ADSS2: variants seen among roughly 807,000 people sequenced by gnomAD.
The protein encoded by ADSS2 is adenylosuccinate synthase 2, also known as adenylosuccinate synthetase isozyme 2.
ADSS2 carries 30 observed loss-of-function variants against 60.0 expected under a neutral mutation model. The ratio of observed to expected loss-of-function variants is 0.50; its 90% CI spans 0.37 to 0.68. ADSS2 has a LOEUF of 0.68. ADSS2 is among the 30% of genes least tolerant of loss of function. ADSS2 has a pLI of 0.00. For missense variants in ADSS2, 373 were observed against 554.8 expected, an observed-to-expected ratio of 0.67 and a Z score of 3.29; for synonymous variants, 187 against 193.1, an observed-to-expected ratio of 0.97 and a Z score of 0.26.
intron 8 of ADSS2, 31 bp from the exon 9 acceptor site, chr1:244,418,945 T>G: frequency 6.5e-7 from 1 of 1,532,310 alleles, no homozygotes; most frequent in Non-Finnish European, 8.9e-7. Flanking sequence ...TAAAATATAG[T>G]AGACACATGA....
chr1:244,426,889 A>G (rs1226711431), intron 4 of ADSS2, among the ~76,000 whole-genome samples: 1 of 152,076 alleles, frequency 6.6e-6, no homozygotes, highest in Non-Finnish European at 1.5e-5. Context: ...ACATATTTCT[A>G]TTGATATGAT....
At chr1:244,440,647 CT>C (rs1451620162) in intron 1 of ADSS2, among the ~76,000 whole-genome samples, 1 of 152,156 alleles carries the variant, frequency 6.6e-6, no homozygotes, top group Non-Finnish European at 1.5e-5. Flanking sequence ...AATGTGAAGC[CT>C]TTCTCATACC....
Position 244,451,852 on chromosome 1 carries a change from G to A in ADSS2, c.-35C>T, listed in dbSNP as rs1665627559. ...GACGCGAGGAGAGCCCGAAGGAGAG[G>A]CGGCCGGCGAGGAGTGAGCGAACTG... is the stretch of plus-strand genomic sequence containing the variant. On this transcript the variant is annotated 5_prime_UTR_variant, in exon 1 of 13. Coordinates refer to ENST00000366535, the MANE Select transcript of ADSS2 (RefSeq NM_001126.5). This position sits in a 1 kb window ranked among gnomAD's most constrained non-coding sequence, Gnocchi z 6.6. 6 of 1,524,736 alleles carry A rather than the reference G, an allele frequency of 3.9e-6. No individual in the cohort carries two copies. The highest frequency in any genetic ancestry group is 5.3e-6 in the Non-Finnish European group (6 of 1,138,656). The allele number at this position is 1,524,736 out of a possible 1,614,324, so 94.5% of individuals were successfully genotyped here. A position where few individuals can be genotyped will look rare whatever the true frequency, so the allele number is the denominator to read the frequency against.
intron 4 of ADSS2, among the ~76,000 whole-genome samples, chr1:244,428,357 T>C (rs1471673170): frequency 1.3e-5 from 2 of 152,172 alleles, no homozygotes; most frequent in South Asian, 2.1e-4. Flanking sequence ...ACTTATAAGT[T>C]AAAATAGAAA....
At chr1:244,417,531 G>C (rs572216878) in intron 10 of ADSS2, 97 bp downstream of exon 10, 235 of 1,422,972 alleles carry the variant, frequency 1.7e-4, no homozygotes, top group Non-Finnish European at 2.2e-4. Flanking sequence ...GGAGTCTAAA[G>C]AGTGAAATTT....
At position 244,435,194 on chromosome 1, in the gene ADSS2, A is replaced by AAAAAAAAAAAAAAAAC. The variant is rs1553308065; in HGVS notation, c.355+1630_355+1631insGTTTTTTTTTTTTTTT. Among the ~76,000 whole-genome samples, 51 of 127,902 alleles carry AAAAAAAAAAAAAAAAC rather than the reference A, an allele frequency of 4.0e-4. 2 individuals are homozygous for AAAAAAAAAAAAAAAAC. Among genetic ancestry groups the AAAAAAAAAAAAAAAAC allele is most frequent in the African/African-American group, 1.6e-3 (50 of 31,136 alleles). 83.9% of individuals were successfully genotyped at this position (127,902 alleles called of 152,430 possible). ...AAAAAAAAAAAAAAAAAAAAAAAAA[A>AAAAAAAAAAAAAAAAC]AAACAAACCTGAACATACTATAACA... is the stretch of plus-strand genomic sequence containing the variant. On this transcript the variant is annotated intron_variant, in intron 3 of 12. Coordinates refer to ENST00000366535, the MANE Select transcript of ADSS2 (RefSeq NM_001126.5).
At chr1:244,419,775 T>TA (rs1664634807) in intron 8 of ADSS2, among the ~76,000 whole-genome samples, 1 of 152,210 alleles carries the variant, frequency 6.6e-6, no homozygotes, top group Non-Finnish European at 1.5e-5. Context: ...AGTTAATTTA[T>TA]ATAAATAGGC....
intron 2 of ADSS2, among the ~76,000 whole-genome samples, chr1:244,437,333 T>C (rs74151390): frequency 0.12 from 18,169 of 152,162 alleles, 1,376 homozygotes; most frequent in African/African-American, 0.19. Flanking sequence ...ACCTCTCATA[T>C]TTCTTACTAT....
chr1:244,437,745 T>C lies in ADSS2; in HGVS notation c.207A>G (p.Thr69=). 1.9e-6 allele frequency: 3 copies of C among 1,606,914 alleles called. No individual in the cohort carries two copies. Among genetic ancestry groups the C allele is most frequent in the Non-Finnish European group, 2.6e-6 (3 of 1,173,640 alleles). Residue 69 remains threonine (T), a synonymous_variant, in exon 2 of 13, where the codon ACA becomes ACG. Coordinates refer to ENST00000366535, the MANE Select transcript of ADSS2 (RefSeq NM_001126.5). ...CATATTCCACAGAATCCACAACAAC[T>C]GTATGGCCAGCATTATTTCCTCCCT... The part of the protein sequence containing the change: ...RCQGGNNAGH[T]VVVDSVEYDF...
intron 5 of ADSS2, 25 bp downstream of exon 5, chr1:244,424,296 C>CA (rs779544471): frequency 8.1e-6 from 13 of 1,608,046 alleles, no homozygotes; most frequent in African/African-American, 4.0e-5. Flanking sequence ...TAAACTGTAC[C>CA]AAAAAAACAA....
At chr1:244,431,948 A>G (rs1009822428) in intron 4 of ADSS2, among the ~76,000 whole-genome samples, 4 of 152,204 alleles carry the variant, frequency 2.6e-5, no homozygotes, top group Non-Finnish European at 4.4e-5. Flanking sequence ...GCATACTTAA[A>G]TACAATTTAA....
chr1:244,416,931 T>C (rs1167252660), intron 10 of ADSS2, among the ~76,000 whole-genome samples: 2 of 152,202 alleles, frequency 1.3e-5, no homozygotes, highest in Non-Finnish European at 2.9e-5. Context: ...AGAAATTAGA[T>C]AACAAACTAA....
Position 244,409,454 on chromosome 1 carries a change from AC to A in ADSS2, c.*131del. ...CCACAGTAGGCATCCATCTGAAAAG[AC>A]TGGAAACAACTGTAGGGCTTCAAAC... On this transcript the variant is annotated 3_prime_UTR_variant, in exon 13 of 13. Coordinates refer to ENST00000366535, the MANE Select transcript of ADSS2 (RefSeq NM_001126.5). 1 of 652,416 alleles carries A rather than the reference AC, an allele frequency of 1.5e-6. No homozygotes were observed. Among genetic ancestry groups the A allele is most frequent in the Non-Finnish European group, 2.6e-6 (1 of 378,640 alleles). 40.4% of individuals were successfully genotyped at this position (652,416 alleles called of 1,614,324 possible).
chr1:244,435,194 A>AAAAAAAAAAAAAACAAAC (rs1553308065), intron 3 of ADSS2, among the ~76,000 whole-genome samples: 2 of 127,852 alleles, frequency 1.6e-5, no homozygotes, highest in African/African-American at 6.4e-5. Context: ...AAAAAAAAAA[A>AAAAAAAAAAAAAACAAAC]AAACAAACCT....
chr1:244,432,465 A>G, intron 4 of ADSS2, 80 bp downstream of exon 4: 1 of 1,070,726 alleles, frequency 9.3e-7, no homozygotes, highest in Non-Finnish European at 1.4e-6. Flanking sequence ...ATAAAAGACA[A>G]AATTAGTTAC....
chr1:244,427,543 G>GC (rs1664835941), intron 4 of ADSS2, among the ~76,000 whole-genome samples: 1 of 152,022 alleles, frequency 6.6e-6, no homozygotes, highest in African/African-American at 2.4e-5. Flanking sequence ...TGAATAAAAT[G>GC]CAAGACCCAC....
intron 3 of ADSS2, among the ~76,000 whole-genome samples, chr1:244,434,394 A>G (rs1460877042): frequency 6.6e-6 from 1 of 151,974 alleles, no homozygotes; most frequent in Non-Finnish European, 1.5e-5. Context: ...ATGAACCCAA[A>G]TCGATGTTTT....
chr1:244,409,489 G>T lies in ADSS2; in HGVS notation c.*97C>A. The T allele has an allele frequency of 1.1e-6, 1 of 951,834 alleles. No individual in the cohort carries two copies. Among genetic ancestry groups the T allele is most frequent in the Non-Finnish European group, 1.6e-6 (1 of 607,394 alleles). The allele number at this position is 951,834 out of a possible 1,614,324, so 59.0% of individuals were successfully genotyped here. ...ACTGTAGGGCTTCAAACTTACTTCA[G>T]TGTCTTTATTCTTGAATTTGCAGGT... On this transcript the variant is annotated 3_prime_UTR_variant, in exon 13 of 13. Coordinates refer to ENST00000366535, the MANE Select transcript of ADSS2 (RefSeq NM_001126.5).
At chr1:244,427,746 G>C (rs1293201022) in intron 4 of ADSS2, among the ~76,000 whole-genome samples, 1 of 152,106 alleles carries the variant, frequency 6.6e-6, no homozygotes, top group Non-Finnish European at 1.5e-5. Context: ...AACAATCATA[G>C]CTTATTAGAT....
Sources: gnomAD v4.1 joint callset for allele counts (sites outside exome capture counted in the v4.1 genomes callset) on GRCh38, gnomAD v4.1.1 for gene constraint, Gnocchi (gnomAD v3.1) non-coding constraint, MANE v1.5 for transcripts, NCBI Gene and HGNC (gene_info 2026-07-23, HGNC 2026-07-21) for gene names.